The following IPMK variants were observed in gnomAD, a reference collection of about 807,000 sequenced individuals.
IPMK encodes inositol polyphosphate multikinase.
In IPMK, 17 loss-of-function variants were observed where a neutral mutation model predicts 45.8. The observed-to-expected ratio is 0.37, with a 90% CI of 0.25 to 0.56. The LOEUF (loss-of-function observed/expected upper bound fraction) is 0.56. IPMK is among the 20% of genes least tolerant of loss of function. The pLI, the probability that IPMK is intolerant of heterozygous loss-of-function variation, is 0.79. For missense variants in IPMK, 399 were observed against 498.0 expected (o/e 0.80, Z 1.89); for synonymous variants, 180 against 184.3 (o/e 0.98, Z 0.19).
chr10:58,219,394 G>C lies in IPMK; in HGVS notation c.374-3077C>G, dbSNP rs138761728. ...AAACAGGGCATGATCTGAGCATTGA[G>C]ATTTTTACTGATTTACAGGCTGTCA... On this transcript the variant is annotated intron_variant, in intron 3 of 5. Transcript: ENST00000373935. 2.6e-4 allele frequency among the ~76,000 whole-genome samples: 40 copies of C among 152,242 alleles called. No individual in the cohort carries two copies. In the East Asian group the frequency reaches 7.5e-3, roughly 29 times the overall value.
At chr10:58,231,537 A>G (rs1405677847) in intron 2 of IPMK, among the ~76,000 whole-genome samples, 1 of 152,204 alleles carries the variant, frequency 6.6e-6, no homozygotes, top group Non-Finnish European at 1.5e-5. Flanking sequence ...ATACTTAAAG[A>G]AAAGAATTTT....
intron 5 of IPMK, among the ~76,000 whole-genome samples, chr10:58,197,325 A>AC (rs1235660993): frequency 4.0e-5 from 6 of 149,628 alleles, no homozygotes; most frequent in South Asian, 4.2e-4. Context: ...ATAAATAAAT[A>AC]AATACATAAA....
At position 58,193,796 on chromosome 10, in the gene IPMK, A is replaced by C. The variant is rs1019277688; in HGVS notation, c.*2280T>G. The C allele has an allele frequency of 2.6e-5, 4 of 151,830 alleles. No homozygotes were observed. The highest frequency in any genetic ancestry group is 9.7e-5 in the African/African-American group (4 of 41,420). 9.4% of individuals were successfully genotyped at this position (151,830 alleles called of 1,614,324 possible). The stretch of plus-strand genomic sequence containing the variant: ...GTGAATAGCGATCATTCATCCCCAC[A>C]GTGGTAAATTTCAGCATAATATTAA... On this transcript the variant is annotated 3_prime_UTR_variant, in exon 6 of 6. Coordinates refer to ENST00000373935, the MANE Select transcript of IPMK (RefSeq NM_152230.5).
chr10:58,220,304 C>T (rs562972866), intron 3 of IPMK, among the ~76,000 whole-genome samples: 1 of 152,264 alleles, frequency 6.6e-6, no homozygotes, highest in East Asian at 1.9e-4. Context: ...GTTCCAGTCC[C>T]ATCTTAGACT....
chr10:58,210,106 C>G (rs1331829604), intron 4 of IPMK, among the ~76,000 whole-genome samples: 2 of 152,036 alleles, frequency 1.3e-5, no homozygotes, highest in Non-Finnish European at 2.9e-5. Flanking sequence ...CTTGCTGCAG[C>G]CACTGTGGGG....
Position 58,223,298 on chromosome 10 carries a change from C to T in IPMK, c.373+3745G>A, listed in dbSNP as rs544062138. Among the ~76,000 whole-genome samples the T allele has an allele frequency of 8.6e-5, 13 of 151,982 alleles. No homozygotes were observed. The East Asian group carries it at 2.5e-3, about 29-fold the overall frequency. ...TAAGTGTTAGGTATAAAAAAAATTC[C>T]TTTAGCTAATTTTCTACTGCTAGTC... On this transcript the variant is annotated intron_variant, in intron 3 of 5. Coordinates refer to ENST00000373935, the MANE Select transcript of IPMK (RefSeq NM_152230.5).
intron 3 of IPMK, among the ~76,000 whole-genome samples, chr10:58,221,082 A>G (rs1838325799): frequency 6.6e-6 from 1 of 152,176 alleles, no homozygotes; most frequent in African/African-American, 2.4e-5. Context: ...ATATTCTCCA[A>G]CCCTCAGGCT....
chr10:58,235,778 T>C (rs762944536), intron 2 of IPMK, among the ~76,000 whole-genome samples: 13 of 152,052 alleles, frequency 8.5e-5, no homozygotes, highest in Non-Finnish European at 1.8e-4. Context: ...ACCTGCACGT[T>C]GTGCACATGT....
intron 5 of IPMK, among the ~76,000 whole-genome samples, chr10:58,197,046 A>AT (rs1274010684): frequency 6.6e-6 from 1 of 152,192 alleles, no homozygotes; most frequent in Non-Finnish European, 1.5e-5. Flanking sequence ...CACGCCTGTA[A>AT]TCCCAGCACT....
intron 1 of IPMK, among the ~76,000 whole-genome samples, chr10:58,249,439 T>A (rs914089007): frequency 3.3e-5 from 5 of 152,242 alleles, no homozygotes; most frequent in Non-Finnish European, 7.3e-5. Flanking sequence ...CATTGTTTTT[T>A]ATACTTGCTT....
chr10:58,251,954 T>G (rs1362674105), intron 1 of IPMK, among the ~76,000 whole-genome samples: 1 of 152,234 alleles, frequency 6.6e-6, no homozygotes, highest in Non-Finnish European at 1.5e-5. Context: ...GTCTTTTAAC[T>G]GGGGAATGTA....
chr10:58,262,775 C>A (rs995565842), intron 1 of IPMK, among the ~76,000 whole-genome samples: 1 of 152,034 alleles, frequency 6.6e-6, no homozygotes, highest in Non-Finnish European at 1.5e-5. Flanking sequence ...GATTAAAGTC[C>A]AATAAATAAG....
intron 4 of IPMK, among the ~76,000 whole-genome samples, chr10:58,205,163 G>T (rs1223234576): frequency 6.6e-6 from 1 of 151,996 alleles, no homozygotes; most frequent in African/African-American, 2.4e-5. Context: ...GATGAGTTTG[G>T]GTTAGGCAAT....
chr10:58,248,107 T>C (rs1424619625), intron 1 of IPMK, among the ~76,000 whole-genome samples: 1 of 152,050 alleles, frequency 6.6e-6, no homozygotes, highest in Non-Finnish European at 1.5e-5. Context: ...ATAAAAAACA[T>C]AAAGGGCTAC....
chr10:58,254,678 T>C (rs959031570), intron 1 of IPMK, among the ~76,000 whole-genome samples: 17 of 152,366 alleles, frequency 1.1e-4, no homozygotes, highest in African/African-American at 4.1e-4. Context: ...TTTTTGCAGG[T>C]GTTCCTTATT....
At chr10:58,267,354 T>C in intron 1 of IPMK, 68 bp downstream of exon 1, 1 of 1,525,852 alleles carries the variant, frequency 6.6e-7, no homozygotes, top group Non-Finnish European at 9.1e-7. Context: ...AGCGCTAGGC[T>C]GCCTCCGCTG....
At chr10:58,216,903 C>T (rs1355490063) in intron 3 of IPMK, among the ~76,000 whole-genome samples, 2 of 152,112 alleles carry the variant, frequency 1.3e-5, no homozygotes, top group Non-Finnish European at 2.9e-5. Flanking sequence ...CTGGGCTAGA[C>T]TGCAGTGGCC....
chr10:58,215,924 C>A (rs1047789476), intron 4 of IPMK, among the ~76,000 whole-genome samples: 3 of 152,026 alleles, frequency 2.0e-5, no homozygotes, highest in African/African-American at 7.3e-5. Context: ...TTATCAATCA[C>A]CCTACTATGT....
At chr10:58,266,075 A>G (rs1293744185) in intron 1 of IPMK, among the ~76,000 whole-genome samples, 4 of 152,244 alleles carry the variant, frequency 2.6e-5, no homozygotes, top group Non-Finnish European at 5.9e-5. Context: ...ACTGGCACAC[A>G]GGAGGAAATG....
Sources: gnomAD v4.1 joint callset for allele counts (sites outside exome capture counted in the v4.1 genomes callset) on GRCh38, gnomAD v4.1.1 for gene constraint, MANE v1.5 for transcripts, NCBI Gene and HGNC (gene_info 2026-07-23, HGNC 2026-07-21) for gene names.